Variants in QSER1 observed in about 807,000 individuals in gnomAD.
QSER1 encodes glutamine and serine rich 1, also known as glutamine and serine-rich protein 1.
A neutral mutation model predicts 158.5 loss-of-function variants in QSER1; 49 were observed. That is an observed-to-expected ratio of 0.31 (90% CI 0.25 to 0.39). The LOEUF (loss-of-function observed/expected upper bound fraction) is 0.39. QSER1 is among the 10% of genes least tolerant of loss of function. The pLI, the probability that QSER1 is intolerant of heterozygous loss-of-function variation, is 1.00. For missense variants in QSER1, 1,754 were observed against 2,010.3 expected (o/e 0.87, Z 2.44); for synonymous variants, 650 against 715.5 (o/e 0.91, Z 1.46).
chr11:32,923,792 A>C (rs1024774220), intron 1 of QSER1, among the ~76,000 whole-genome samples: 5 of 151,538 alleles, frequency 3.3e-5, no homozygotes, highest in African/African-American at 9.7e-5. Flanking sequence ...ACATGGTGAA[A>C]CCCCATCTCT....
At position 32,972,072 on chromosome 11, in the gene QSER1, A is replaced by C. The variant is rs1329970218; in HGVS notation, c.5206-1325A>C. Among the ~76,000 whole-genome samples the C allele has an allele frequency of 6.6e-5, 10 of 150,990 alleles. No individual in the cohort carries two copies. In the East Asian group the frequency reaches 9.7e-4, roughly 15 times the overall value. Reference sequence around the variant, plus strand: ...AGCAAGACTCCATCTCAAAAAAAAAAAAAAACAAAACAGTACTGTTTTCAG... The same window carrying C: ...AGCAAGACTCCATCTCAAAAAAAAACAAAAACAAAACAGTACTGTTTTCAG... On this transcript the variant is annotated intron_variant, in intron 10 of 12. Coordinates refer to ENST00000650167, the MANE Select transcript of QSER1 (RefSeq NM_001076786.3).
At chr11:32,916,063 G>A (rs535050259) in intron 1 of QSER1, among the ~76,000 whole-genome samples, 22 of 152,074 alleles carry the variant, frequency 1.4e-4, no homozygotes, top group African/African-American at 2.4e-4. Context: ...CACCACACCC[G>A]GCTAATTTTG....
chr11:32,932,527 C>G lies in QSER1; in HGVS notation c.1269C>G (p.Thr423=), dbSNP rs762752589. 1 of 1,614,002 alleles carries G rather than the reference C, an allele frequency of 6.2e-7. No individual in the cohort carries two copies. Among genetic ancestry groups the G allele is most frequent in the African/African-American group, 1.3e-5 (1 of 74,928 alleles). Residue 423 remains threonine, a synonymous_variant, in exon 4 of 13, where the codon ACC becomes ACG. Coordinates refer to ENST00000650167, the MANE Select transcript of QSER1 (RefSeq NM_001076786.3). ...STEQPLTSTK[T]PKPQSIIPPV... is the part of the protein sequence containing the mutation. ...AACAACCACTGACATCAACCAAGACCCCTAAACCTCAAAGTATAATTCCTC... is the reference window on the plus strand; with the variant it reads ...AACAACCACTGACATCAACCAAGACGCCTAAACCTCAAAGTATAATTCCTC...
At position 32,933,308 on chromosome 11, in the gene QSER1, T is replaced by C. The variant is rs767365043; in HGVS notation, c.2050T>C (p.Tyr684His). The change falls in exon 4 of 13, where the codon TAT becomes CAT. Residue 684 changes from tyrosine to histidine, a missense_variant. Physicochemically the swap from Tyr to His is moderately conservative, Grantham distance 83. Transcript: ENST00000650167. Reference sequence around the variant, plus strand: ...TGAAAGAAAGCTTGACTCAGATGTGTATCCATCTTCAAAGCAAGAAGATGG... The same window carrying C: ...TGAAAGAAAGCTTGACTCAGATGTGCATCCATCTTCAAAGCAAGAAGATGG... ...YAERKLDSDV[Y>H]PSSKQEDGFP... The C allele has an allele frequency of 5.0e-6, 8 of 1,610,896 alleles. No homozygotes were observed. The highest frequency in any genetic ancestry group is 6.8e-6 in the Non-Finnish European group (8 of 1,179,014).
intron 1 of QSER1, among the ~76,000 whole-genome samples, chr11:32,921,610 CA>C (rs1034624187): frequency 6.6e-6 from 1 of 152,100 alleles, no homozygotes; most frequent in African/African-American, 2.4e-5. Flanking sequence ...CTAAACACTA[CA>C]AAAGATTGTT....
Position 32,973,502 on chromosome 11 carries a change from A to C in QSER1, c.5311A>C (p.Asn1771His). ...SKIKMNGKAY[N>H]KKTLRTSKTT... ...AATCAAAATGAATGGCAAAGCCTAT[A>C]ATAAGAAAACTCTAAGGACTTCTAA... The change falls in exon 11 of 13, where the codon AAT (asparagine) becomes CAT (histidine). Residue 1771 changes from asparagine to histidine, a missense_variant. Coordinates refer to ENST00000650167, the MANE Select transcript of QSER1 (RefSeq NM_001076786.3). The C allele has an allele frequency of 1.2e-6, 2 of 1,613,422 alleles. No homozygotes were observed. The highest frequency in any genetic ancestry group is 1.7e-6 in the Non-Finnish European group (2 of 1,179,690).
At chr11:32,955,931 AGTAGCATTT>A (rs1198814803) in intron 6 of QSER1, 48 bp from the exon 7 acceptor site, 5 of 1,496,068 alleles carry the variant, frequency 3.3e-6, no homozygotes, top group Non-Finnish European at 4.5e-6. Context: ...GAACAAACAA[AGTAGCATTT>A]GTATCTAGAT....
intron 1 of QSER1, among the ~76,000 whole-genome samples, chr11:32,897,605 AGG>A (rs1198162447): frequency 5.9e-5 from 9 of 152,006 alleles, no homozygotes; most frequent in African/African-American, 1.7e-4. Context: ...CTGTTTCCTC[AGG>A]GCTTGGGATT....
chr11:32,913,782 C>T (rs1851800250), intron 1 of QSER1, among the ~76,000 whole-genome samples: 2 of 152,256 alleles, frequency 1.3e-5, no homozygotes, highest in South Asian at 4.1e-4. Context: ...TACTATTACC[C>T]ATATTTTACT....
At chr11:32,961,630 T>C (rs1852626805) in intron 8 of QSER1, among the ~76,000 whole-genome samples, 1 of 152,204 alleles carries the variant, frequency 6.6e-6, no homozygotes, top group African/African-American at 2.4e-5. Flanking sequence ...TTATTCTCTT[T>C]TTTCTCTAGC....
rs1425289676 is a variant in QSER1 at position 32,976,733 on chromosome 11, T to C, written c.*259T>C. 5.9e-6 allele frequency: 2 copies of C among 339,140 alleles called. No homozygotes were observed. The highest frequency in any genetic ancestry group is 1.1e-5 in the Non-Finnish European group (2 of 187,772). The allele number at this position is 339,140 out of a possible 1,614,324, so 21.0% of individuals were successfully genotyped here. A position where few individuals can be genotyped will look rare whatever the true frequency, so the allele number is the denominator to read the frequency against. Reference sequence around the variant, plus strand: ...TTTGTAAACCATTGGGTAACTTGAGTCATATTTTCAGAAACATTTTTTGAC... The same window carrying C: ...TTTGTAAACCATTGGGTAACTTGAGCCATATTTTCAGAAACATTTTTTGAC... On this transcript the variant is annotated 3_prime_UTR_variant, in exon 13 of 13. Transcript: ENST00000650167.
At chr11:32,972,441 ATTT>A (rs1479714894) in intron 10 of QSER1, among the ~76,000 whole-genome samples, 1 of 150,498 alleles carries the variant, frequency 6.6e-6, no homozygotes, top group Admixed American at 6.7e-5. Flanking sequence ...TTATTTATTT[ATTT>A]ATTTATTTAG....
intron 1 of QSER1, among the ~76,000 whole-genome samples, chr11:32,911,705 G>T (rs1234079302): frequency 6.6e-6 from 1 of 152,190 alleles, no homozygotes; most frequent in African/African-American, 2.4e-5. Context: ...GTGAAGACAT[G>T]CCTTGCTTCC....
chr11:32,927,758 A>C (rs930991992), intron 2 of QSER1, among the ~76,000 whole-genome samples: 2 of 152,158 alleles, frequency 1.3e-5, no homozygotes, highest in Admixed American at 1.3e-4. Context: ...AAATTAAAAG[A>C]TCTTCTTTCA....
rs753866520 is a variant in QSER1, at chr11:32,934,108, T to C, written c.2850T>C (p.His950=). The C allele has an allele frequency of 4.3e-6, 7 of 1,614,020 alleles. No individual in the cohort carries two copies. The South Asian group carries it at 5.5e-5, about 13-fold the overall frequency. Residue 950 remains histidine, a synonymous_variant, in exon 4 of 13, where the codon CAT becomes CAC. Transcript: ENST00000650167. ...TKGHFSETNQ[H]DSKNQFVSLG... is the part of the protein sequence containing the mutation. The stretch of plus-strand genomic sequence containing the variant: ...GCCATTTTAGTGAAACAAATCAACA[T>C]GATTCAAAGAATCAGTTTGTTTCTC...
intron 1 of QSER1, among the ~76,000 whole-genome samples, chr11:32,919,986 T>A (rs1057145059): frequency 2.0e-5 from 3 of 152,200 alleles, no homozygotes; most frequent in Non-Finnish European, 4.4e-5. Flanking sequence ...TTTAGCACTT[T>A]CTTACTTTCT....
At chr11:32,909,584 C>T (rs770106106) in intron 1 of QSER1, among the ~76,000 whole-genome samples, 1 of 151,984 alleles carries the variant, frequency 6.6e-6, no homozygotes, top group Non-Finnish European at 1.5e-5. Flanking sequence ...GGACTACAGG[C>T]GCACACCACC....
At chr11:32,964,739 T>TACACAC (rs1176492165) in intron 8 of QSER1, among the ~76,000 whole-genome samples, 3 of 100,760 alleles carry the variant, frequency 3.0e-5, no homozygotes, top group African/African-American at 1.2e-4. Context: ...TATATATATA[T>TACACAC]ACACACACAC....
In QSER1 at chr11:32,957,881, T is replaced by A. The variant is rs760801201; in HGVS notation, c.4764T>A (p.Ala1588=). The change falls in exon 8 of 13, where the codon GCT becomes GCA. Residue 1588 remains alanine (A), a synonymous_variant. Transcript: ENST00000650167. ...KPSQTIRTVQ[A]KPSSSSKTSD... Reference sequence around the variant, plus strand: ...TATAACATTGCAGAACTGTTCAAGCTAAGCCAAGTAGTAGCAGTAAAACTT... The same window carrying A: ...TATAACATTGCAGAACTGTTCAAGCAAAGCCAAGTAGTAGCAGTAAAACTT... 2 of 1,613,912 alleles carry A rather than the reference T, an allele frequency of 1.2e-6. No individual in the cohort carries two copies. The highest frequency in any genetic ancestry group is 2.7e-5 in the African/African-American group (2 of 74,916).
Sources: allele counts gnomAD v4.1 joint callset (sites outside exome capture counted in the v4.1 genomes callset), GRCh38; gene constraint gnomAD v4.1.1; transcripts MANE v1.5; gene names NCBI Gene and HGNC (gene_info 2026-07-23, HGNC 2026-07-21).